GAB2: variants seen among roughly 807,000 people sequenced by gnomAD.
The protein encoded by GAB2 is GRB2 associated binding protein 2.
GAB2 carries 26 observed loss-of-function variants against 65.5 expected under a neutral mutation model. The ratio of observed to expected loss-of-function variants is 0.40; its 90% CI spans 0.29 to 0.55. The LOEUF is 0.55. Ranked by LOEUF, GAB2 falls within the 20% of genes least tolerant of loss-of-function variation. The pLI, the probability that GAB2 is intolerant of heterozygous loss-of-function variation, is 0.53. For missense variants in GAB2, 884 were observed against 875.8 expected, an observed-to-expected ratio of 1.01 and a Z score of -0.12; for synonymous variants, 321 against 329.6, an observed-to-expected ratio of 0.97 and a Z score of 0.28.
chr11:78,223,853 G>C (rs1049704980), intron 5 of GAB2, among the ~76,000 whole-genome samples, 177 bp from the exon 6 acceptor site: 38 of 152,278 alleles, frequency 2.5e-4, no homozygotes, highest in Middle Eastern at 3.4e-3. Flanking sequence ...GGCTGAGGCA[G>C]GTGGATCACT....
chr11:78,392,436 G>A (rs1446855902), intron 1 of GAB2: 1 of 152,148 alleles, frequency 6.6e-6, no homozygotes, highest in Non-Finnish European at 1.5e-5. Flanking sequence ...AGGAATATGG[G>A]TAAGGCACTA....
chr11:78,339,432 A>G (rs1298052860), intron 1 of GAB2, among the ~76,000 whole-genome samples: 1 of 152,186 alleles, frequency 6.6e-6, no homozygotes, highest in Non-Finnish European at 1.5e-5. Context: ...TCAACAGACT[A>G]AGCATCTGAT....
chr11:78,255,590 A>T (rs118140939), intron 2 of GAB2, among the ~76,000 whole-genome samples: 2,456 of 152,308 alleles, frequency 0.016, 32 homozygotes, highest in Non-Finnish European at 0.025. Flanking sequence ...GTGCCCCAAT[A>T]GATGAGGTTC....
intron 3 of GAB2, among the ~76,000 whole-genome samples, chr11:78,249,258 C>T (rs1227208982): frequency 5.3e-5 from 8 of 152,102 alleles, no homozygotes; most frequent in Non-Finnish European, 8.8e-5. Context: ...TTGATTGGTT[C>T]AAATGAGATT....
intron 3 of GAB2, among the ~76,000 whole-genome samples, 198 bp downstream of exon 3, chr11:78,249,959 G>A (rs550746682): frequency 6.6e-6 from 1 of 151,898 alleles, no homozygotes; most frequent in South Asian, 2.1e-4. Context: ...CTGGCACCCA[G>A]TTATCACTGT....
chr11:78,222,164 G>A lies in GAB2; in HGVS notation c.1599C>T (p.Asn533=), dbSNP rs2134456400. The A allele has an allele frequency of 1.2e-6, 2 of 1,614,042 alleles. No homozygotes were observed. Among genetic ancestry groups the A allele is most frequent in the South Asian group, 2.2e-5 (2 of 91,088 alleles). The change falls in exon 7 of 10, where the codon AAC becomes AAT. Residue 533 remains asparagine, a synonymous_variant. Coordinates refer to ENST00000361507, the MANE Select transcript of GAB2 (RefSeq NM_080491.3). ...AKPTPLDLRN[N]TVIDELPFKS... is the part of the protein sequence containing the mutation. Reference sequence around the variant, plus strand: ...TGAAGGGGAGTTCATCGATGACGGTGTTGTTCCTCAGGTCAAGTGGTGTTG... The same window carrying A: ...TGAAGGGGAGTTCATCGATGACGGTATTGTTCCTCAGGTCAAGTGGTGTTG...
intron 1 of GAB2, among the ~76,000 whole-genome samples, chr11:78,333,559 C>T (rs567772678): frequency 6.6e-6 from 1 of 152,216 alleles, no homozygotes; most frequent in Non-Finnish European, 1.5e-5. Flanking sequence ...TTAGCCACCA[C>T]CCCCTGCCCA....
At chr11:78,312,643 G>A (rs944293063) in intron 1 of GAB2, among the ~76,000 whole-genome samples, 1 of 152,040 alleles carries the variant, frequency 6.6e-6, no homozygotes, top group Non-Finnish European at 1.5e-5. Flanking sequence ...TGGCCAGACT[G>A]GTCATGAACT....
At chr11:78,288,741 G>C (rs1866563733) in intron 1 of GAB2, among the ~76,000 whole-genome samples, 1 of 152,216 alleles carries the variant, frequency 6.6e-6, no homozygotes, top group African/African-American at 2.4e-5. Context: ...TCGACTTGGT[G>C]CATCTCCCCA....
At chr11:78,249,437 C>T (rs999084753) in intron 3 of GAB2, among the ~76,000 whole-genome samples, 3 of 152,208 alleles carry the variant, frequency 2.0e-5, no homozygotes, top group African/African-American at 7.2e-5. Context: ...CAAAGCCTAT[C>T]AGCTCTGCAC....
intron 2 of GAB2, among the ~76,000 whole-genome samples, chr11:78,270,392 T>G (rs1865979423): frequency 6.6e-6 from 1 of 151,958 alleles, no homozygotes; most frequent in Non-Finnish European, 1.5e-5. Context: ...TTGCTCCTCC[T>G]CTTCCTTCTT....
At chr11:78,316,820 C>T (rs1279593761) in intron 1 of GAB2, among the ~76,000 whole-genome samples, 4 of 152,088 alleles carry the variant, frequency 2.6e-5, no homozygotes, top group South Asian at 2.1e-4. Context: ...GGAACACAAA[C>T]GGAATATTTT....
rs115664813 is a variant in GAB2, at chr11:78,250,310, C to G, written c.467G>C (p.Arg156Pro). The change falls in exon 3 of 10, where the codon CGC (arginine) becomes CCC (proline). Residue 156 changes from arginine to proline, a missense_variant. Transcript: ENST00000361507. ...GGAGTGTGATGGGGCTGAGGACTTGCGCTCTCGGAGAAGGTGCTGGCTAGA... is the reference window on the plus strand; with the variant it reads ...GGAGTGTGATGGGGCTGAGGACTTGGGCTCTCGGAGAAGGTGCTGGCTAGA... ...SSSSQHLLRERKSSAPSHSSQ... is the reference protein window; with the variant it reads ...SSSSQHLLREPKSSAPSHSSQ... 1.9e-6 allele frequency: 3 copies of G among 1,613,480 alleles called. No homozygotes were observed. In the South Asian group the frequency reaches 3.3e-5, roughly 18 times the overall value.
chr11:78,298,275 G>T (rs144834931), intron 1 of GAB2, among the ~76,000 whole-genome samples: 1 of 152,238 alleles, frequency 6.6e-6, no homozygotes, highest in East Asian at 1.9e-4. Flanking sequence ...ACAGAATATG[G>T]GAGATACCGG....
chr11:78,219,512 G>A (rs1179412638), intron 9 of GAB2, 97 bp from the exon 10 acceptor site: 1 of 1,132,022 alleles, frequency 8.8e-7, no homozygotes, highest in Admixed American at 1.8e-5. Flanking sequence ...CTGTCTGAAG[G>A]GGAGAAGAGC....
In GAB2 at chr11:78,319,869, G is replaced by GA. The variant is rs1356199531; in HGVS notation, c.76-38969dup. ...TATCTGGCAGAGATATAAAGAAACA[G>GA]ACTTTTTTTTTTTTTTGAGACCGAG... On this transcript the variant is annotated intron_variant, in intron 1 of 9. Transcript: ENST00000361507. Among the ~76,000 whole-genome samples the GA allele has an allele frequency of 2.4e-3, 334 of 140,352 alleles. 1 individual carries two copies. The highest frequency in any genetic ancestry group is 9.4e-3 in the African/African-American group (320 of 34,150). The allele number at this position is 140,352 out of a possible 152,430, so 92.1% of individuals were successfully genotyped here.
chr11:78,320,451 G>A (rs1254511990), intron 1 of GAB2, among the ~76,000 whole-genome samples: 1 of 152,172 alleles, frequency 6.6e-6, no homozygotes, highest in African/African-American at 2.4e-5. Flanking sequence ...GTGGGAAGAA[G>A]ATAAGGAATT....
At chr11:78,383,644 G>A (rs180805120) in intron 1 of GAB2, among the ~76,000 whole-genome samples, 20 of 151,406 alleles carry the variant, frequency 1.3e-4, no homozygotes, top group African/African-American at 4.9e-4. Context: ...TGTAATGCCA[G>A]CTACTCGAGA....
intron 3 of GAB2, 59 bp downstream of exon 3, chr11:78,250,098 A>G (rs1404351698): frequency 6.4e-6 from 10 of 1,567,512 alleles, no homozygotes; most frequent in South Asian, 1.1e-5. Context: ...CAAGGACTGA[A>G]AAGTACTAGG....
Sources: allele counts gnomAD v4.1 joint callset (sites outside exome capture counted in the v4.1 genomes callset), GRCh38; gene constraint gnomAD v4.1.1; transcripts MANE v1.5; gene names NCBI Gene and HGNC (gene_info 2026-07-23, HGNC 2026-07-21).